The following NDP variants were observed in gnomAD, a reference collection of about 807,000 sequenced individuals.
NDP encodes norrin cystine knot growth factor NDP.
Under a neutral mutation model 8.4 loss-of-function variants are expected in NDP, and 2 were observed. The observed-to-expected ratio is 0.24, with a 90% CI of 0.10 to 0.75. The LOEUF (loss-of-function observed/expected upper bound fraction) is 0.75. Ranked by LOEUF, NDP falls within the 30% of genes least tolerant of loss-of-function variation. NDP has a pLI of 0.73. For synonymous variants in NDP, 55 were observed against 45.6 expected (o/e 1.21, Z -0.83); for missense variants, 81 against 110.1 (o/e 0.74, Z 1.18).
intron 2 of NDP, among the ~76,000 whole-genome samples, chrX:43,956,720 T>C (rs1427991376): frequency 8.9e-6 from 1 of 112,178 alleles, no homozygotes; most frequent in African/African-American, 3.2e-5. Context: ...TAGTTTGGGA[T>C]GTTTGAAAAC....
intron 1 of NDP, among the ~76,000 whole-genome samples, chrX:43,972,810 A>G (rs1020900221): frequency 8.9e-6 from 1 of 112,793 alleles, no homozygotes; most frequent in African/African-American, 3.2e-5. Context: ...GCACTCCGGC[A>G]GAGCCCTGGC....
chrX:43,972,595 G>T (rs1264580326), intron 1 of NDP, among the ~76,000 whole-genome samples: 1 of 110,964 alleles, frequency 9.0e-6, no homozygotes, highest in African/African-American at 3.3e-5. Flanking sequence ...ATAAGTCCAA[G>T]GCAAACAGCA....
chrX:43,961,811 C>T (rs2035828086), intron 1 of NDP, among the ~76,000 whole-genome samples: 1 of 111,331 alleles, frequency 9.0e-6, no homozygotes, highest in South Asian at 3.8e-4. Context: ...GGAAGGCATG[C>T]TAGTCTCTTA....
At chrX:43,966,976 T>C (rs1054573238) in intron 1 of NDP, among the ~76,000 whole-genome samples, 4 of 111,674 alleles carry the variant, frequency 3.6e-5, no homozygotes, top group Non-Finnish European at 7.5e-5. Flanking sequence ...GGGATTTGAA[T>C]ACTGAATTCA....
chrX:43,957,016 CCTTT>C (rs1435729501), intron 2 of NDP, among the ~76,000 whole-genome samples: 2 of 111,870 alleles, frequency 1.8e-5, no homozygotes, highest in Non-Finnish European at 3.8e-5. Context: ...TTTCTTTGTT[CCTTT>C]CTATCATCAT....
intron 1 of NDP, among the ~76,000 whole-genome samples, chrX:43,963,447 C>G (rs1602069169): frequency 9.0e-6 from 1 of 111,553 alleles, no homozygotes; most frequent in Admixed American, 9.5e-5. Flanking sequence ...AATATAATGA[C>G]CTTGGAATGG....
At position 43,957,337 on chromosome X, in the gene NDP, AT is replaced by A. The variant is rs5902330; in HGVS notation, c.174+1134del. Among the ~76,000 whole-genome samples the A allele has an allele frequency of 4.0e-3, 430 of 107,248 alleles. 1 individual carries two copies. Among genetic ancestry groups the A allele is most frequent in the African/African-American group, 0.014 (402 of 29,434 alleles). The allele number at this position is 107,248 out of a possible 115,157, so 93.1% of individuals were successfully genotyped here. Reference sequence around the variant, plus strand: ...AAATTTATGTTCATCTATTTACTCCATTTTTTTTTGGTTCTACAAGCACAAA... The same window carrying A: ...AAATTTATGTTCATCTATTTACTCCATTTTTTTTGGTTCTACAAGCACAAA... On this transcript the variant is annotated intron_variant, in intron 2 of 2. Transcript: ENST00000642620.
intron 1 of NDP, among the ~76,000 whole-genome samples, chrX:43,962,318 CTG>C (rs1264643205): frequency 2.9e-5 from 3 of 105,201 alleles, no homozygotes; most frequent in African/African-American, 7.0e-5. Context: ...TGAACCAACA[CTG>C]TTGTATTGAA....
intron 2 of NDP, among the ~76,000 whole-genome samples, chrX:43,950,685 C>A (rs2035756372): frequency 9.0e-6 from 1 of 111,278 alleles, no homozygotes; most frequent in African/African-American, 3.3e-5. Flanking sequence ...TATGTAATTG[C>A]ATCCGCATCT....
chrX:43,962,799 G>T (rs1271730656), intron 1 of NDP, among the ~76,000 whole-genome samples: 1 of 111,879 alleles, frequency 8.9e-6, no homozygotes, highest in Non-Finnish European at 1.9e-5. Flanking sequence ...GGCAGGAGAG[G>T]CACGTAGGCT....
chrX:43,950,638 A>G (rs933993694), intron 2 of NDP, among the ~76,000 whole-genome samples: 1 of 111,222 alleles, frequency 9.0e-6, no homozygotes, highest in Admixed American at 9.5e-5. Context: ...CCCTGAAATC[A>G]CACTTCTGGG....
chrX:43,967,140 C>T (rs1028561774), intron 1 of NDP, among the ~76,000 whole-genome samples: 1 of 111,215 alleles, frequency 9.0e-6, no homozygotes, highest in Non-Finnish European at 1.9e-5. Context: ...TTGCTTAAAC[C>T]ATGCATGCTG....
In NDP at chrX:43,963,344, TGG is replaced by T. The variant is rs1569246573; in HGVS notation, c.-207-4494_-207-4493del. Among the ~76,000 whole-genome samples, 586 of 87,638 alleles carry T rather than the reference TGG, an allele frequency of 6.7e-3. 5 individuals carry two copies. The highest frequency in any genetic ancestry group is 0.012 in the Middle Eastern group (2 of 168). The allele number at this position is 87,638 out of a possible 115,157, so 76.1% of individuals were successfully genotyped here. A position where few individuals can be genotyped will look rare whatever the true frequency, so the allele number is the denominator to read the frequency against. On this transcript the variant is annotated intron_variant, in intron 1 of 2. Transcript: ENST00000642620. ...AGTCTTGGCCTGTTGTTTTCCTGGA[TGG>T]TTTTTAGACACATTGATAAACTCTC... is the stretch of plus-strand genomic sequence containing the variant.
At chrX:43,958,084 C>T (rs1307577783) in intron 2 of NDP, among the ~76,000 whole-genome samples, 2 of 110,985 alleles carry the variant, frequency 1.8e-5, no homozygotes, top group Non-Finnish European at 3.8e-5. Context: ...CTTTAAAGAG[C>T]CCTCCAAGAA....
At chrX:43,963,703 C>G in intron 1 of NDP, among the ~76,000 whole-genome samples, 1 of 111,914 alleles carries the variant, frequency 8.9e-6, no homozygotes. Flanking sequence ...GTTAAGTAGC[C>G]CCTTCCCAGG....
At position 43,958,749 on chromosome X, in the gene NDP, G is replaced by T. The variant is rs773655208; in HGVS notation, c.-104C>A. ...GGATCCAGTCCCGTTCAAGGAAAGG[G>T]CAGGATCGGGCTGAAGCTTTCTGGT... On this transcript the variant is annotated 5_prime_UTR_variant, in exon 2 of 3. Transcript: ENST00000642620. 12 of 695,535 alleles carry T rather than the reference G, an allele frequency of 1.7e-5. No individual in the cohort carries two copies. Among genetic ancestry groups the T allele is most frequent in the African/African-American group, 1.7e-4 (8 of 46,864 alleles). The allele number at this position is 695,535 out of a possible 1,213,427, so 57.3% of individuals were successfully genotyped here. A position where few individuals can be genotyped will look rare whatever the true frequency, so the allele number is the denominator to read the frequency against.
intron 1 of NDP, chrX:43,960,708 A>G (rs1415230651): frequency 8.9e-6 from 1 of 112,299 alleles, no homozygotes; most frequent in African/African-American, 3.2e-5. Flanking sequence ...AATTATCCCA[A>G]GTGGTTATCT....
At chrX:43,966,087 G>T (rs1206889474) in intron 1 of NDP, among the ~76,000 whole-genome samples, 1 of 112,365 alleles carries the variant, frequency 8.9e-6, no homozygotes, top group African/African-American at 3.2e-5. Context: ...AAATGACCAA[G>T]TCAGGTTACC....
At chrX:43,958,038 C>G (rs1478793648) in intron 2 of NDP, among the ~76,000 whole-genome samples, 2 of 110,759 alleles carry the variant, frequency 1.8e-5, no homozygotes, top group Non-Finnish European at 3.8e-5. Flanking sequence ...TGAAGAAAGG[C>G]TCAGACCACA....
Sources: allele counts gnomAD v4.1 joint callset (sites outside exome capture counted in the v4.1 genomes callset), GRCh38; gene constraint gnomAD v4.1.1; transcripts MANE v1.5; gene names NCBI Gene and HGNC (gene_info 2026-07-23, HGNC 2026-07-21).